Variants in XXYLT1 observed in about 807,000 individuals in gnomAD.
The protein encoded by XXYLT1 is xyloside xylosyltransferase 1.
A neutral mutation model predicts 28.9 loss-of-function variants in XXYLT1; 20 were observed. The ratio of observed to expected loss-of-function variants is 0.69; its 90% CI spans 0.49 to 1.00. The LOEUF is 1.00. XXYLT1 is among the 50% of genes least tolerant of loss of function. XXYLT1 has a pLI of 0.00. For synonymous variants in XXYLT1, 257 were observed against 253.8 expected, an observed-to-expected ratio of 1.01 and a Z score of -0.12; for missense variants, 542 against 560.1, an observed-to-expected ratio of 0.97 and a Z score of 0.33.
At position 195,077,447 on chromosome 3, in the gene XXYLT1, G is replaced by A. The variant is rs1553797988; in HGVS notation, c.786-7336C>T. On this transcript the variant is annotated intron_variant, in intron 3 of 3. Transcript: ENST00000310380. The surrounding 1 kb of genome is among the most constrained non-coding windows in gnomAD (Gnocchi z 4.8). ...CTGTCCCTGTAGGTGCTCAGCCTCT[G>A]CAGAGCTGATGCTGCAAATGCTCCT... 6.6e-6 allele frequency among the ~76,000 whole-genome samples: 1 copy of A among 152,166 alleles called. No homozygotes were observed. Among genetic ancestry groups the A allele is most frequent in the Non-Finnish European group, 1.5e-5 (1 of 68,028 alleles).
chr3:195,187,110 C>A (rs936350953), intron 2 of XXYLT1, among the ~76,000 whole-genome samples: 3 of 150,864 alleles, frequency 2.0e-5, no homozygotes, highest in South Asian at 2.1e-4. Context: ...TGGTGGCGGG[C>A]GCCTGTAGTC....
At chr3:195,258,974 CT>C (rs989185759) in intron 1 of XXYLT1, among the ~76,000 whole-genome samples, 1 of 152,238 alleles carries the variant, frequency 6.6e-6, no homozygotes, top group Non-Finnish European at 1.5e-5. Flanking sequence ...CAGGTATGCG[CT>C]TTCTAGAGTG....
At chr3:195,200,186 G>A (rs555931080) in intron 2 of XXYLT1, among the ~76,000 whole-genome samples, 36 of 152,302 alleles carry the variant, frequency 2.4e-4, no homozygotes, top group Non-Finnish European at 5.0e-4. Context: ...AAGCCGTGAA[G>A]CAGCGCGGTT....
At chr3:195,106,143 C>T (rs9859891) in intron 3 of XXYLT1, among the ~76,000 whole-genome samples, 109,843 of 152,056 alleles carry the variant, frequency 0.72, 40,059 homozygotes, top group African/African-American at 0.77. Context: ...AAAGTTACTT[C>T]ATATGATCAC....
intron 1 of XXYLT1, among the ~76,000 whole-genome samples, chr3:195,254,233 C>A (rs755559621): frequency 7.2e-5 from 11 of 152,350 alleles, no homozygotes; most frequent in Non-Finnish European, 1.3e-4. Context: ...CCCCACCCTG[C>A]ACTGACCACA....
At chr3:195,220,499 A>G (rs1218321434) in intron 2 of XXYLT1, among the ~76,000 whole-genome samples, 1 of 152,146 alleles carries the variant, frequency 6.6e-6, no homozygotes, top group East Asian at 1.9e-4. Context: ...ACCTCCCAAG[A>G]TCACGAAGCC....
intron 2 of XXYLT1, chr3:195,207,452 C>T: frequency 2.2e-6 from 1 of 456,460 alleles, no homozygotes; most frequent in Non-Finnish European, 4.4e-6. Context: ...ACAGACAGGC[C>T]TTCTGTTATG....
At chr3:195,222,472 G>A (rs774804973) in intron 2 of XXYLT1, among the ~76,000 whole-genome samples, 2 of 152,212 alleles carry the variant, frequency 1.3e-5, no homozygotes, top group South Asian at 2.1e-4. Flanking sequence ...AACCCTGGGC[G>A]GCTGGGGGTT....
At chr3:195,071,956 G>C (rs2676911) in intron 3 of XXYLT1, among the ~76,000 whole-genome samples, 18,552 of 152,166 alleles carry the variant, frequency 0.12, 1,320 homozygotes, top group East Asian at 0.31. Flanking sequence ...AGGACCTGTG[G>C]CCGCCGAGGT....
At chr3:195,126,345 G>A (rs1718623666) in intron 3 of XXYLT1, among the ~76,000 whole-genome samples, 1 of 152,234 alleles carries the variant, frequency 6.6e-6, no homozygotes, top group African/African-American at 2.4e-5. Flanking sequence ...TGGCAGGTCA[G>A]AAGTTGCCTT....
chr3:195,270,175 G>A (rs1220415850), intron 1 of XXYLT1: 3 of 484,280 alleles, frequency 6.2e-6, no homozygotes, highest in Non-Finnish European at 7.9e-6. Flanking sequence ...GATGACTACT[G>A]GTGACCAGTC....
chr3:195,259,443 G>A (rs1468364968), intron 1 of XXYLT1, among the ~76,000 whole-genome samples: 5 of 152,242 alleles, frequency 3.3e-5, no homozygotes, highest in African/African-American at 1.2e-4. Flanking sequence ...GTGGTCCCAG[G>A]GCGAAAGATA....
chr3:195,116,190 G>A (rs891294433), intron 3 of XXYLT1, among the ~76,000 whole-genome samples: 9 of 152,086 alleles, frequency 5.9e-5, no homozygotes, highest in African/African-American at 1.4e-4. Context: ...CACCACGAGC[G>A]GTGGAATCTG....
At position 195,255,754 on chromosome 3, in the gene XXYLT1, G is replaced by A. The variant is rs1310384184; in HGVS notation, c.504+14801C>T. On this transcript the variant is annotated intron_variant, in intron 1 of 3. Transcript: ENST00000310380. The surrounding 1 kb of genome is among the most constrained non-coding windows in gnomAD (Gnocchi z 4.5). ...GTCCACTGAGCAGCTGTGTGGCCCT[G>A]AGCAAGTTGCTTGGCCTCTCTGGGC... Among the ~76,000 whole-genome samples, 2 of 151,936 alleles carry A rather than the reference G, an allele frequency of 1.3e-5. No homozygotes were observed. Among genetic ancestry groups the A allele is most frequent in the Non-Finnish European group, 2.9e-5 (2 of 67,950 alleles).
chr3:195,251,052 G>A (rs1020311701), intron 1 of XXYLT1, among the ~76,000 whole-genome samples: 1 of 152,180 alleles, frequency 6.6e-6, no homozygotes, highest in African/African-American at 2.4e-5. Context: ...CTGGCCAGAC[G>A]GCCCTGGGAT....
At chr3:195,266,418 C>T (rs1725851138) in intron 1 of XXYLT1, among the ~76,000 whole-genome samples, 1 of 151,654 alleles carries the variant, frequency 6.6e-6, no homozygotes. Flanking sequence ...CGCTTGAACC[C>T]GGGAGGCAGA....
At position 195,226,783 on chromosome 3, in the gene XXYLT1, C is replaced by G. The variant is rs199897126; in HGVS notation, c.578G>C (p.Ser193Thr). Reference protein sequence around the residue: ...PIVEAMQKHFSAGLGTYYSDS... With the variant: ...PIVEAMQKHFTAGLGTYYSDS... ...ACTGTAGTAGGTTCCCAAGCCAGCACTGAAGTGCTTCTGCATGGCCTCCAC... is the reference window on the plus strand; with the variant it reads ...ACTGTAGTAGGTTCCCAAGCCAGCAGTGAAGTGCTTCTGCATGGCCTCCAC... Residue 193 changes from serine to threonine, a missense_variant, in exon 2 of 4, where the codon AGT becomes ACT. Coordinates refer to ENST00000310380, the MANE Select transcript of XXYLT1 (RefSeq NM_152531.5). 5.0e-6 allele frequency: 8 copies of G among 1,613,772 alleles called. No homozygotes were observed. The African/African-American group carries it at 9.3e-5, about 19-fold the overall frequency.
At chr3:195,263,608 G>A (rs531293279) in intron 1 of XXYLT1, among the ~76,000 whole-genome samples, 76 of 152,184 alleles carry the variant, frequency 5.0e-4, no homozygotes, top group African/African-American at 1.6e-3. Flanking sequence ...TGGACTTCCC[G>A]GCCTCCAAAA....
rs181687459 is a variant in XXYLT1 at position 195,088,434 on chromosome 3, C to G, written c.786-18323G>C. ...CCCCCAGCGGGGCACCTCACAGGGC[C>G]GGGTACTCCAACAGACCTGCAGCTG... is the stretch of plus-strand genomic sequence containing the variant. On this transcript the variant is annotated intron_variant, in intron 3 of 3. Coordinates refer to ENST00000310380, the MANE Select transcript of XXYLT1 (RefSeq NM_152531.5). Among the ~76,000 whole-genome samples, 1,208 of 144,228 alleles carry G rather than the reference C, an allele frequency of 8.4e-3. 128 individuals are homozygous for G. Among genetic ancestry groups the G allele is most frequent in the Admixed American group, 0.015 (214 of 14,090 alleles). The allele number at this position is 144,228 out of a possible 152,430, so 94.6% of individuals were successfully genotyped here.
Sources: gnomAD v4.1 joint callset for allele counts (sites outside exome capture counted in the v4.1 genomes callset) on GRCh38, gnomAD v4.1.1 for gene constraint, Gnocchi (gnomAD v3.1) non-coding constraint, MANE v1.5 for transcripts, NCBI Gene and HGNC (gene_info 2026-07-23, HGNC 2026-07-21) for gene names.